The following PRDM16 variants were observed in gnomAD, a reference collection of about 807,000 sequenced individuals.
PRDM16 encodes the protein PR/SET domain 16.
Under a neutral mutation model 110.6 loss-of-function variants are expected in PRDM16, and 23 were observed. That is an observed-to-expected ratio of 0.21 (90% CI 0.15 to 0.29). The LOEUF (loss-of-function observed/expected upper bound fraction) is 0.29, where lower values mean the gene tolerates loss of function less well. Ranked by LOEUF, PRDM16 falls within the 10% of genes least tolerant of loss-of-function variation. The pLI, the probability that PRDM16 is intolerant of heterozygous loss-of-function variation, is 1.00. For missense variants in PRDM16, 1,615 were observed against 1,794.3 expected (o/e 0.90, Z 1.81); for synonymous variants, 799 against 781.8 (o/e 1.02, Z -0.37).
At chr1:3,138,846 T>C (rs1224422598) in intron 1 of PRDM16, among the ~76,000 whole-genome samples, 1 of 152,170 alleles carries the variant, frequency 6.6e-6, no homozygotes, top group East Asian at 1.9e-4. Context: ...CGGCTTTCCC[T>C]GGGCTTGGTG....
At chr1:3,364,832 C>T (rs181228065) in intron 3 of PRDM16, among the ~76,000 whole-genome samples, 4 of 152,322 alleles carry the variant, frequency 2.6e-5, no homozygotes, top group South Asian at 2.1e-4. Context: ...CACGTTGCTT[C>T]GGAAGGAAGC....
chr1:3,191,855 CT>C (rs1638316196), intron 2 of PRDM16, among the ~76,000 whole-genome samples: 1 of 152,286 alleles, frequency 6.6e-6, no homozygotes, highest in African/African-American at 2.4e-5. Flanking sequence ...CCATGATTGG[CT>C]TTTAAAGGCA....
rs533196922 is a variant in PRDM16, at chr1:3,418,837, C to T, written c.2939+93C>T. 291 of 994,764 alleles carry T rather than the reference C, an allele frequency of 2.9e-4. 1 individual carries two copies. In the East Asian group the frequency reaches 6.9e-3, roughly 24 times the overall value. 61.6% of individuals were successfully genotyped at this position (994,764 alleles called of 1,614,324 possible). A position where few individuals can be genotyped will look rare whatever the true frequency, so the allele number is the denominator to read the frequency against. On this transcript the variant is annotated intron_variant, in intron 12 of 16. Transcript: ENST00000270722. ...AGGAGTAAGTATGCCATTCCCAGGG[C>T]TCCCTGCTGGAGTGAGCAGGCAGTG...
At chr1:3,125,152 C>G (rs1244401226) in intron 1 of PRDM16, among the ~76,000 whole-genome samples, 1 of 152,286 alleles carries the variant, frequency 6.6e-6, no homozygotes, top group Non-Finnish European at 1.5e-5. Context: ...CAGCCAAAGG[C>G]TGACCATGTG....
intron 3 of PRDM16, among the ~76,000 whole-genome samples, chr1:3,285,984 C>T (rs1247031748): frequency 6.6e-6 from 1 of 152,222 alleles, no homozygotes; most frequent in African/African-American, 2.4e-5. Context: ...GAACATTTGA[C>T]GAGCTCAATA....
rs1344416166 is a variant in PRDM16, at chr1:3,080,729, G to A, written c.37+11433G>A. 6.6e-6 allele frequency among the ~76,000 whole-genome samples: 1 copy of A among 152,186 alleles called. No individual in the cohort carries two copies. The highest frequency in any genetic ancestry group is 1.5e-5 in the Non-Finnish European group (1 of 68,034). ...CCCCTCGGACCGGGCAACTGCTCCT[G>A]GATTTCTGTTCCGAGGAACATGTTG... On this transcript the variant is annotated intron_variant, in intron 1 of 16. Transcript: ENST00000270722. The surrounding 1 kb of genome is among the most constrained non-coding windows in gnomAD (Gnocchi z 5.2).
chr1:3,151,472 T>C (rs956958236), intron 1 of PRDM16, among the ~76,000 whole-genome samples: 2 of 152,238 alleles, frequency 1.3e-5, no homozygotes, highest in African/African-American at 4.8e-5. Context: ...GGTAGTTCCA[T>C]GTGGGTACCC....
intron 2 of PRDM16, among the ~76,000 whole-genome samples, chr1:3,196,846 G>A (rs1013103398): frequency 3.3e-5 from 5 of 152,214 alleles, no homozygotes; most frequent in East Asian, 1.9e-4. Flanking sequence ...TAAAGGTGCC[G>A]AGGCTGACGG....
chr1:3,296,945 C>T (rs2100377025), intron 3 of PRDM16, among the ~76,000 whole-genome samples: 1 of 152,330 alleles, frequency 6.6e-6, no homozygotes, highest in East Asian at 1.9e-4. Context: ...TCATATCAGC[C>T]TACAGCTGGG....
At position 3,353,713 on chromosome 1, in the gene PRDM16, G is replaced by A. The variant is rs1642539271; in HGVS notation, c.439-31439G>A. 6.6e-6 allele frequency among the ~76,000 whole-genome samples: 1 copy of A among 152,210 alleles called. No individual in the cohort carries two copies. The highest frequency in any genetic ancestry group is 1.5e-5 in the Non-Finnish European group (1 of 68,028). Reference sequence around the variant, plus strand: ...TCCTAGCTCAGGCTGGTGGAGGTTTGGGGATGCCGAAGCAGCCAGAGAGTG... The same window carrying A: ...TCCTAGCTCAGGCTGGTGGAGGTTTAGGGATGCCGAAGCAGCCAGAGAGTG... On this transcript the variant is annotated intron_variant, in intron 3 of 16. Transcript: ENST00000270722. This position sits in a 1 kb window ranked among gnomAD's most constrained non-coding sequence, Gnocchi z 5.4.
At chr1:3,228,591 C>T (rs1639342699) in intron 2 of PRDM16, among the ~76,000 whole-genome samples, 1 of 152,168 alleles carries the variant, frequency 6.6e-6, no homozygotes, top group Non-Finnish European at 1.5e-5. Context: ...AGTCTCCCTG[C>T]CCTCTCCCCA....
At chr1:3,095,370 G>T (rs1466487876) in intron 1 of PRDM16, among the ~76,000 whole-genome samples, 2 of 147,150 alleles carry the variant, frequency 1.4e-5, no homozygotes, top group Non-Finnish European at 2.9e-5. Context: ...CCGCTGGGGT[G>T]CCAGATGTCA....
At chr1:3,132,358 G>A (rs1643352570) in intron 1 of PRDM16, among the ~76,000 whole-genome samples, 1 of 152,208 alleles carries the variant, frequency 6.6e-6, no homozygotes, top group Non-Finnish European at 1.5e-5. Context: ...AGGGTGGATG[G>A]GACAGGGGAC....
intron 2 of PRDM16, among the ~76,000 whole-genome samples, chr1:3,199,423 T>C (rs961259932): frequency 1.3e-5 from 2 of 152,136 alleles, no homozygotes; most frequent in African/African-American, 4.8e-5. Flanking sequence ...TCTGCTGAGC[T>C]TCTTGGTAAC....
At chr1:3,247,016 C>T (rs914715577) in intron 3 of PRDM16, among the ~76,000 whole-genome samples, 2 of 152,078 alleles carry the variant, frequency 1.3e-5, no homozygotes, top group African/African-American at 2.4e-5. Context: ...GTGCGCACCG[C>T]GGTGCTGTTT....
chr1:3,334,154 C>G (rs1642099025), intron 3 of PRDM16, among the ~76,000 whole-genome samples: 1 of 152,232 alleles, frequency 6.6e-6, no homozygotes, highest in Admixed American at 6.5e-5. Flanking sequence ...CAAACGGAGA[C>G]AGGCTCACAA....
chr1:3,151,851 T>G (rs1643780906), intron 1 of PRDM16, among the ~76,000 whole-genome samples: 1 of 152,262 alleles, frequency 6.6e-6, no homozygotes. Context: ...ACGTTGTGTG[T>G]GGCCTGTGCC....
At chr1:3,338,707 G>C (rs1642210975) in intron 3 of PRDM16, among the ~76,000 whole-genome samples, 1 of 152,100 alleles carries the variant, frequency 6.6e-6, no homozygotes, top group South Asian at 2.1e-4. Context: ...GGAACCCAGG[G>C]GCTTGTGGCT....
chr1:3,368,793 A>G (rs770898277), intron 3 of PRDM16, among the ~76,000 whole-genome samples: 9 of 152,224 alleles, frequency 5.9e-5, no homozygotes, highest in Admixed American at 2.0e-4. Flanking sequence ...CAGGGAGGAA[A>G]GACAATGTGT....
Sources: allele counts gnomAD v4.1 joint callset (sites outside exome capture counted in the v4.1 genomes callset), GRCh38; gene constraint gnomAD v4.1.1; non-coding constraint Gnocchi (gnomAD v3.1); transcripts MANE v1.5; gene names NCBI Gene and HGNC (gene_info 2026-07-23, HGNC 2026-07-21).